The following LCOR variants were observed in gnomAD, a reference collection of about 807,000 sequenced individuals.
The protein encoded by LCOR is ligand-dependent corepressor.
LCOR carries 14 observed loss-of-function variants against 64.4 expected under a neutral mutation model. The observed-to-expected ratio is 0.22, with a 90% CI of 0.14 to 0.34. LCOR has a LOEUF of 0.34. Ranked by LOEUF, LCOR falls within the 10% of genes least tolerant of loss-of-function variation. The pLI is 1.00. For missense variants in LCOR, 1,686 were observed against 1,765.3 expected, an observed-to-expected ratio of 0.96 and a Z score of 0.80; for synonymous variants, 643 against 642.5, an observed-to-expected ratio of 1.00 and a Z score of -0.01.
chr10:96,921,752 C>T (rs967907991), intron 4 of LCOR, among the ~76,000 whole-genome samples: 3 of 152,234 alleles, frequency 2.0e-5, no homozygotes, highest in South Asian at 2.1e-4. Flanking sequence ...GTGTAAGCCA[C>T]GGCCCCCAGC....
chr10:96,901,869 A>G (rs1441236470), intron 2 of LCOR, among the ~76,000 whole-genome samples: 1 of 152,120 alleles, frequency 6.6e-6, no homozygotes, highest in Non-Finnish European at 1.5e-5. Flanking sequence ...TCCTGGGTTC[A>G]AGTGATCTTA....
chr10:96,943,616 C>T (rs1211110582), intron 4 of LCOR, among the ~76,000 whole-genome samples: 1 of 151,984 alleles, frequency 6.6e-6, no homozygotes, highest in Non-Finnish European at 1.5e-5. Context: ...CAGATGTATT[C>T]TGAGTTTTTC....
At chr10:96,943,648 T>C (rs575906915) in intron 4 of LCOR, among the ~76,000 whole-genome samples, 3 of 152,074 alleles carry the variant, frequency 2.0e-5, no homozygotes, top group Non-Finnish European at 2.9e-5. Context: ...CTTTTAAAAG[T>C]GTTTGTGTTT....
In LCOR at chr10:96,982,566, T is replaced by G; in HGVS notation, c.2106T>G (p.Pro702=). The G allele has an allele frequency of 6.2e-7, 1 of 1,614,132 alleles. No individual in the cohort carries two copies. The highest frequency in any genetic ancestry group is 8.5e-7 in the Non-Finnish European group (1 of 1,180,024). The stretch of plus-strand genomic sequence containing the variant: ...AAATAGTCAGTAGAGAAGAAAGTCC[T>G]CAGTGCTCAGAAAATCAGAGTTCCC... ...PPEIVSREES[P]QCSENQSSPM... is the part of the protein sequence containing the mutation. The change falls in exon 8 of 8, where the codon CCT becomes CCG. Residue 702 remains proline, a synonymous_variant. Coordinates refer to ENST00000421806, the MANE Select transcript of LCOR (RefSeq NM_001346516.2).
chr10:96,981,084 C>T lies in LCOR; in HGVS notation c.624C>T (p.Asp208=). The part of the protein sequence containing the change: ...KSSASVDLFV[D]SSDSHSPLHL... ...CTGCTTCTGTAGATTTGTTCGTAGA[C>T]TCGTCAGACTCTCACAGCCCTCTAC... Residue 208 remains aspartate, a synonymous_variant, in exon 8 of 8, where the codon GAC becomes GAT. Coordinates refer to ENST00000421806, the MANE Select transcript of LCOR (RefSeq NM_001346516.2). The T allele has an allele frequency of 1.4e-6, 1 of 703,060 alleles. No individual in the cohort carries two copies. Among genetic ancestry groups the T allele is most frequent in the Non-Finnish European group, 2.6e-6 (1 of 385,056 alleles). The allele number at this position is 703,060 out of a possible 1,614,324, so 43.6% of individuals were successfully genotyped here.
At chr10:96,892,686 T>C (rs1014872057) in intron 2 of LCOR, among the ~76,000 whole-genome samples, 1 of 152,184 alleles carries the variant, frequency 6.6e-6, no homozygotes, top group South Asian at 2.1e-4. Context: ...ATATGAATTT[T>C]TGGGGGGACT....
chr10:96,835,984 GA>G (rs1197911231), intron 2 of LCOR, among the ~76,000 whole-genome samples: 1 of 152,168 alleles, frequency 6.6e-6, no homozygotes, highest in African/African-American at 2.4e-5. Flanking sequence ...CGCCTGATAT[GA>G]TGTAACCTTT....
intron 2 of LCOR, among the ~76,000 whole-genome samples, chr10:96,902,404 G>T (rs1340451646): frequency 1.3e-5 from 2 of 152,194 alleles, no homozygotes; most frequent in Non-Finnish European, 2.9e-5. Context: ...AATTATTAAT[G>T]AATGTAGTTC....
At chr10:96,899,694 A>G (rs968318893) in intron 2 of LCOR, among the ~76,000 whole-genome samples, 4 of 152,116 alleles carry the variant, frequency 2.6e-5, no homozygotes, top group Non-Finnish European at 5.9e-5. Flanking sequence ...AATCTTGTAA[A>G]TCTAATAATT....
chr10:96,917,130 G>C (rs1453855095), intron 4 of LCOR, among the ~76,000 whole-genome samples: 1 of 152,060 alleles, frequency 6.6e-6, no homozygotes, highest in Non-Finnish European at 1.5e-5. Flanking sequence ...TTTATTTTTT[G>C]TCTCCCAGTT....
intron 7 of LCOR, among the ~76,000 whole-genome samples, chr10:96,967,347 T>C (rs779978130): frequency 4.6e-5 from 7 of 152,164 alleles, no homozygotes; most frequent in Non-Finnish European, 8.8e-5. Context: ...GGCCTGCCTG[T>C]TTTGGAACTC....
intron 7 of LCOR, chr10:96,962,429 C>T (rs1325756188): frequency 6.6e-6 from 1 of 152,062 alleles, no homozygotes; most frequent in Non-Finnish European, 1.5e-5. Flanking sequence ...CACTGACATG[C>T]TTTTTACACC....
chr10:96,842,240 C>G (rs113442140), intron 2 of LCOR, among the ~76,000 whole-genome samples: 2 of 151,924 alleles, frequency 1.3e-5, no homozygotes, highest in African/African-American at 2.4e-5. Flanking sequence ...ACTAAAAATA[C>G]AAAAATTAGC....
rs1270175575 is a variant in LCOR, at chr10:96,860,249, G to A, written c.-330+26770G>A. ...TAACCTCCAGTGCCTGTGAATTTTA[G>A]CTTATTTATACATAAGGTCTTTGCA... On this transcript the variant is annotated intron_variant, in intron 2 of 7. Coordinates refer to ENST00000421806, the MANE Select transcript of LCOR (RefSeq NM_001346516.2). Among the ~76,000 whole-genome samples the A allele has an allele frequency of 2.6e-5, 4 of 152,136 alleles. No individual in the cohort carries two copies. In the East Asian group the frequency reaches 5.8e-4, roughly 22 times the overall value.
chr10:96,873,571 CGTGTGTGTGTGTGTGT>C (rs55893181), intron 2 of LCOR, among the ~76,000 whole-genome samples: 1,280 of 126,366 alleles, frequency 0.01, 26 homozygotes, highest in African/African-American at 0.033. Flanking sequence ...CACACACACA[CGTGTGTGTGTGTGTGT>C]GTGTGTGTGT....
At chr10:96,947,367 G>A (rs576858499) in intron 5 of LCOR, among the ~76,000 whole-genome samples, 13 of 152,064 alleles carry the variant, frequency 8.5e-5, no homozygotes, top group African/African-American at 2.4e-4. Context: ...TCGTCCTTTC[G>A]GGGGAAAAAA....
At chr10:96,865,205 C>T (rs2134397436) in intron 2 of LCOR, among the ~76,000 whole-genome samples, 3 of 152,192 alleles carry the variant, frequency 2.0e-5, no homozygotes, top group Non-Finnish European at 4.4e-5. Flanking sequence ...ATTTTCGTCT[C>T]ACCATTTGAT....
intron 4 of LCOR, among the ~76,000 whole-genome samples, chr10:96,918,852 T>C (rs1041582834): frequency 6.6e-6 from 1 of 152,204 alleles, no homozygotes; most frequent in African/African-American, 2.4e-5. Context: ...AAGCATTGTT[T>C]AACACAATAG....
intron 7 of LCOR, among the ~76,000 whole-genome samples, chr10:96,978,944 A>T (rs1422051321): frequency 2.0e-5 from 3 of 152,200 alleles, no homozygotes; most frequent in African/African-American, 4.8e-5. Flanking sequence ...CTTACAGATG[A>T]GGAAACCAAG....
Sources: allele counts gnomAD v4.1 joint callset (sites outside exome capture counted in the v4.1 genomes callset), GRCh38; gene constraint gnomAD v4.1.1; transcripts MANE v1.5; gene names NCBI Gene and HGNC (gene_info 2026-07-23, HGNC 2026-07-21).